The following TERB1 variants were observed in gnomAD, a reference collection of about 807,000 sequenced individuals.
TERB1 encodes telomere repeats-binding bouquet formation protein 1.
Under a neutral mutation model 92.3 loss-of-function variants are expected in TERB1, and 63 were observed. The observed-to-expected ratio is 0.68, with a 90% CI of 0.56 to 0.84. The LOEUF (loss-of-function observed/expected upper bound fraction) is 0.84, where lower values mean the gene tolerates loss of function less well. TERB1 is among the 40% of genes least tolerant of loss of function. TERB1 has a pLI of 0.00. For synonymous variants in TERB1, 252 were observed against 283.9 expected, an observed-to-expected ratio of 0.89 and a Z score of 1.13; for missense variants, 709 against 843.7, an observed-to-expected ratio of 0.84 and a Z score of 1.98.
chr16:66,761,467 AAG>A (rs1555507522), intron 16 of TERB1, among the ~76,000 whole-genome samples: 8,733 of 125,452 alleles, frequency 0.07, 422 homozygotes, highest in African/African-American at 0.15. Flanking sequence ...AAAAAAAAAA[AAG>A]AAAGAAAGAA....
chr16:66,788,563 C>T (rs363164), intron 5 of TERB1, among the ~76,000 whole-genome samples: 76,303 of 150,566 alleles, frequency 0.51, 20,173 homozygotes, highest in African/African-American at 0.64. Context: ...AAAAAACTTA[C>T]CTGAATAAAA....
chr16:66,796,667 G>A, intron 3 of TERB1, 101 bp downstream of exon 3: 1 of 865,998 alleles, frequency 1.2e-6, no homozygotes, highest in South Asian at 1.6e-5. Context: ...TTATGTAAAT[G>A]GCTGAATGAT....
chr16:66,770,006 G>T lies in TERB1; in HGVS notation c.1576C>A (p.His526Asn). ...TTCTTTTCAAAAGTAGTTTCTTCATGTAAGTTTTGATTGCAGCTTGACTTG... is the reference window on the plus strand; with the variant it reads ...TTCTTTTCAAAAGTAGTTTCTTCATTTAAGTTTTGATTGCAGCTTGACTTG... ...KAKSSCNQNL[H>N]EETTFEKNFV... Residue 526 changes from histidine (H) to asparagine (N), a missense_variant, in exon 14 of 19, where the codon CAT becomes AAT. Physicochemically the swap from His to Asn is moderately conservative, Grantham distance 68. Coordinates refer to ENST00000433154, the MANE Select transcript of TERB1 (RefSeq NM_001136505.2). 6.4e-7 allele frequency: 1 copy of T among 1,551,448 alleles called. No homozygotes were observed. Among genetic ancestry groups the T allele is most frequent in the Non-Finnish European group, 8.7e-7 (1 of 1,146,930 alleles).
At chr16:66,777,832 TG>T (rs1567472488) in intron 10 of TERB1, among the ~76,000 whole-genome samples, 4 of 152,234 alleles carry the variant, frequency 2.6e-5, no homozygotes, top group Non-Finnish European at 5.9e-5. Flanking sequence ...TATGCTGAGA[TG>T]TGACAAAAGT....
chr16:66,755,915 A>G lies in TERB1; in HGVS notation c.1997-752T>C, dbSNP rs115965669. 9.6e-3 allele frequency among the ~76,000 whole-genome samples: 1,465 copies of G among 152,320 alleles called. 27 individuals are homozygous for G. The highest frequency in any genetic ancestry group is 0.034 in the African/African-American group (1,397 of 41,564). ...TAGGTTTGATAATATTTTTAAGAATAAGGGTCTTTTGAAATTTGCTTTTAA... is the reference window on the plus strand; with the variant it reads ...TAGGTTTGATAATATTTTTAAGAATGAGGGTCTTTTGAAATTTGCTTTTAA... On this transcript the variant is annotated intron_variant, in intron 18 of 18. Coordinates refer to ENST00000433154, the MANE Select transcript of TERB1 (RefSeq NM_001136505.2).
At chr16:66,759,585 G>A (rs2018195573) in intron 16 of TERB1, among the ~76,000 whole-genome samples, 1 of 152,018 alleles carries the variant, frequency 6.6e-6, no homozygotes, top group Admixed American at 6.6e-5. Context: ...GGATCATGAG[G>A]TCAGGAGTTC....
chr16:66,757,956 T>C (rs918004008), intron 18 of TERB1, among the ~76,000 whole-genome samples: 2 of 152,214 alleles, frequency 1.3e-5, no homozygotes, highest in Admixed American at 6.5e-5. Context: ...TTATACTATT[T>C]GTCTCTTCAA....
At chr16:66,766,600 C>T (rs2145098962) in intron 16 of TERB1, among the ~76,000 whole-genome samples, 1 of 152,194 alleles carries the variant, frequency 6.6e-6, no homozygotes, top group Middle Eastern at 3.4e-3. Context: ...AACTTAATGC[C>T]TATGTTTACA....
intron 10 of TERB1, among the ~76,000 whole-genome samples, chr16:66,778,284 A>G (rs1471832651): frequency 6.6e-6 from 1 of 151,022 alleles, no homozygotes; most frequent in Non-Finnish European, 1.5e-5. Context: ...TTTTTTTGAG[A>G]GATGGAGTCT....
At chr16:66,761,196 A>G (rs1441058034) in intron 16 of TERB1, among the ~76,000 whole-genome samples, 1 of 151,768 alleles carries the variant, frequency 6.6e-6, no homozygotes, top group East Asian at 1.9e-4. Context: ...TCATGCCTGT[A>G]ACCGCAGCAC....
chr16:66,754,914 A>G lies in TERB1; in HGVS notation c.*62T>C, dbSNP rs1567462216. On this transcript the variant is annotated 3_prime_UTR_variant, in exon 19 of 19. Transcript: ENST00000433154. ...ATGAGAGTTTAGAAAAATACTTTAAATGTATCTTTCAAGGCACTGTATTTT... is the reference window on the plus strand; with the variant it reads ...ATGAGAGTTTAGAAAAATACTTTAAGTGTATCTTTCAAGGCACTGTATTTT... The G allele has an allele frequency of 7.2e-7, 1 of 1,384,110 alleles. No homozygotes were observed. Among genetic ancestry groups the G allele is most frequent in the Non-Finnish European group, 9.8e-7 (1 of 1,019,048 alleles). The allele number at this position is 1,384,110 out of a possible 1,614,324, so 85.7% of individuals were successfully genotyped here. A position where few individuals can be genotyped will look rare whatever the true frequency, so the allele number is the denominator to read the frequency against.
chr16:66,796,731 A>G (rs372431976), intron 3 of TERB1, 37 bp downstream of exon 3: 66 of 1,447,712 alleles, frequency 4.6e-5, no homozygotes, highest in Non-Finnish European at 6.3e-5. Flanking sequence ...TACCAATACA[A>G]AACTCATTGC....
chr16:66,774,773 T>G (rs943188380), intron 12 of TERB1, among the ~76,000 whole-genome samples: 1 of 151,248 alleles, frequency 6.6e-6, no homozygotes, highest in Non-Finnish European at 1.5e-5. Flanking sequence ...AGCCTCGACC[T>G]GAGCAACTCC....
At chr16:66,773,354 A>T (rs997527498) in intron 12 of TERB1, among the ~76,000 whole-genome samples, 4 of 151,528 alleles carry the variant, frequency 2.6e-5, no homozygotes, top group South Asian at 2.1e-4. Flanking sequence ...TAGTTTTTTT[A>T]AAAAAATAAT....
rs1192199326 is a variant in TERB1 at position 66,790,996 on chromosome 16, A to G, written c.55T>C (p.Leu19=). 1.3e-6 allele frequency: 2 copies of G among 1,543,746 alleles called. No individual in the cohort carries two copies. The highest frequency in any genetic ancestry group is 1.8e-6 in the Non-Finnish European group (2 of 1,142,396). ...ATTTGATACTTTAGACACTCCAATA[A>G]TAAGTTCAGGTCAGTCTTCATTTCT... The part of the protein sequence containing the change: ...TQEMKTDLNL[L]LECLKYQMDN... Residue 19 remains leucine, a synonymous_variant, in exon 4 of 19, where the codon TTA becomes CTA. Coordinates refer to ENST00000433154, the MANE Select transcript of TERB1 (RefSeq NM_001136505.2).
chr16:66,757,235 CAAAA>C (rs1275558698), intron 18 of TERB1, among the ~76,000 whole-genome samples: 2 of 151,386 alleles, frequency 1.3e-5, no homozygotes, highest in East Asian at 3.9e-4. Context: ...GTCTTACCTA[CAAAA>C]AAAAGGCATG....
At chr16:66,786,354 T>A in intron 6 of TERB1, 69 bp from the exon 7 acceptor site, 1 of 1,077,620 alleles carries the variant, frequency 9.3e-7, no homozygotes, top group Non-Finnish European at 1.3e-6. Flanking sequence ...GAAGAACAGT[T>A]AAGTTTTATT....
chr16:66,765,911 C>T (rs2018336776), intron 16 of TERB1, among the ~76,000 whole-genome samples: 1 of 119,236 alleles, frequency 8.4e-6, no homozygotes, highest in Admixed American at 1.2e-4. Flanking sequence ...GTCGCCCAGG[C>T]CGGACTGCGG....
chr16:66,770,368 T>C (rs897240050), intron 13 of TERB1, 59 bp from the exon 14 acceptor site: 13 of 1,083,140 alleles, frequency 1.2e-5, no homozygotes, highest in African/African-American at 6.4e-5. Flanking sequence ...TAATCCAATT[T>C]ATACTTCATT....
Sources: allele counts gnomAD v4.1 joint callset (sites outside exome capture counted in the v4.1 genomes callset), GRCh38; gene constraint gnomAD v4.1.1; transcripts MANE v1.5; gene names NCBI Gene and HGNC (gene_info 2026-07-23, HGNC 2026-07-21).